Variants in ZSWIM4 observed in about 807,000 individuals in gnomAD.
ZSWIM4 encodes zinc finger SWIM domain-containing protein 4.
A neutral mutation model predicts 102.5 loss-of-function variants in ZSWIM4; 62 were observed. The observed-to-expected ratio is 0.60, with a 90% confidence interval of 0.49 to 0.75. The LOEUF is 0.75. ZSWIM4 is among the 30% of genes least tolerant of loss of function. The probability of loss-of-function intolerance (pLI) is 0.00; values close to 1 mark genes in which losing one functional copy is unlikely to be tolerated. For missense variants in ZSWIM4, 1,280 were observed against 1,529.6 expected (o/e 0.84, Z 2.72); for synonymous variants, 652 against 674.5 (o/e 0.97, Z 0.52).
chr19:13,818,256 A>G (rs1975357238), intron 9 of ZSWIM4, among the ~76,000 whole-genome samples: 1 of 152,124 alleles, frequency 6.6e-6, no homozygotes, highest in Non-Finnish European at 1.5e-5. Context: ...GGTTGATGTT[A>G]AAGCGAGGGC....
chr19:13,797,413 T>C (rs1196796470), intron 1 of ZSWIM4, among the ~76,000 whole-genome samples: 3 of 151,894 alleles, frequency 2.0e-5, no homozygotes, highest in Non-Finnish European at 4.4e-5. Flanking sequence ...GTCTTAGGAG[T>C]TGAAACAACT....
rs1370170089 is a variant in ZSWIM4 at position 13,823,382 on chromosome 19, A to G, written c.2097A>G (p.Glu699=). ...TGGAGACAGCATTTCCTGCTGGAGA[A>G]CCTCATCCCAGCCCGCTGGACTCCA... is the stretch of plus-strand genomic sequence containing the variant. ...PILETAFPAG[E]PHPSPLDSIM... The change falls in exon 11 of 14, where the codon GAA becomes GAG. Residue 699 remains glutamate, a synonymous_variant. Coordinates refer to ENST00000590508, the MANE Select transcript of ZSWIM4 (RefSeq NM_001367834.3). 3 of 1,613,706 alleles carry G rather than the reference A, an allele frequency of 1.9e-6. No individual in the cohort carries two copies. The highest frequency in any genetic ancestry group is 2.5e-6 in the Non-Finnish European group (3 of 1,179,916).
At chr19:13,828,197 T>C (rs944446692) in intron 12 of ZSWIM4, among the ~76,000 whole-genome samples, 21 of 151,822 alleles carry the variant, frequency 1.4e-4, no homozygotes, top group Admixed American at 2.0e-4. Context: ...TCACTTGAGG[T>C]CAGGAGTTCG....
At chr19:13,814,985 T>A in intron 7 of ZSWIM4, 120 bp downstream of exon 7, 1 of 511,338 alleles carries the variant, frequency 2.0e-6, no homozygotes, top group Non-Finnish European at 2.8e-6. Context: ...AGTGAGACAA[T>A]GTCTCTACAA....
chr19:13,813,294 G>A (rs1568335466), intron 6 of ZSWIM4, 130 bp downstream of exon 6: 1 of 786,810 alleles, frequency 1.3e-6, no homozygotes, highest in Non-Finnish European at 2.0e-6. Flanking sequence ...CCAGTCCTTG[G>A]CTGTTCTTCC....
intron 9 of ZSWIM4, 46 bp from the exon 10 acceptor site, chr19:13,819,311 A>G (rs1337504381): frequency 6.2e-7 from 1 of 1,608,794 alleles, no homozygotes. Flanking sequence ...GGGGAAGGGC[A>G]GAGGCGAGCC....
At chr19:13,811,604 CAGG>C (rs1358590706) in intron 5 of ZSWIM4, among the ~76,000 whole-genome samples, 1 of 152,112 alleles carries the variant, frequency 6.6e-6, no homozygotes, top group African/African-American at 2.4e-5. Flanking sequence ...CTGAGTGAGG[CAGG>C]AGGATTGCTT....
chr19:13,804,700 C>G (rs897153752), intron 2 of ZSWIM4, 92 bp from the exon 3 acceptor site: 2 of 1,040,128 alleles, frequency 1.9e-6, no homozygotes, highest in Non-Finnish European at 2.8e-6. Context: ...TGAAGTGACT[C>G]GGCTGGGCTT....
chr19:13,811,677 T>A (rs1975096988), intron 5 of ZSWIM4, among the ~76,000 whole-genome samples: 1 of 152,128 alleles, frequency 6.6e-6, no homozygotes, highest in Non-Finnish European at 1.5e-5. Context: ...CTAAATTTTT[T>A]AAAAACCGGC....
chr19:13,816,899 A>T (rs1487812355), intron 7 of ZSWIM4, among the ~76,000 whole-genome samples: 1 of 151,942 alleles, frequency 6.6e-6, no homozygotes, highest in African/African-American at 2.4e-5. Context: ...TGAGGAGGGG[A>T]ATGACACTTC....
chr19:13,829,689 G>A (rs549262396), intron 13 of ZSWIM4, among the ~76,000 whole-genome samples: 3 of 152,244 alleles, frequency 2.0e-5, no homozygotes, highest in African/African-American at 7.2e-5. Flanking sequence ...GCTGGGCGTG[G>A]TGGTGGGCCC....
chr19:13,825,522 G>A lies in ZSWIM4; in HGVS notation c.2216-28G>A. The stretch of plus-strand genomic sequence containing the variant: ...AGGCTGGTGCTGAGGTGTATCCGAT[G>A]GTGTCCTCTGTCCCGCCCTTCACCC... On this transcript the variant is annotated intron_variant, in intron 11 of 13. Coordinates refer to ENST00000590508, the MANE Select transcript of ZSWIM4 (RefSeq NM_001367834.3). This position sits in a 1 kb window ranked among gnomAD's most constrained non-coding sequence, Gnocchi z 4.6. 1.2e-6 allele frequency: 2 copies of A among 1,607,628 alleles called. No homozygotes were observed. The highest frequency in any genetic ancestry group is 1.7e-6 in the Non-Finnish European group (2 of 1,175,284).
At chr19:13,803,432 G>A (rs1464825450) in intron 2 of ZSWIM4, among the ~76,000 whole-genome samples, 2 of 152,086 alleles carry the variant, frequency 1.3e-5, no homozygotes, top group Non-Finnish European at 2.9e-5. Flanking sequence ...TGTAACCCAA[G>A]GAATCAGAAA....
intron 2 of ZSWIM4, among the ~76,000 whole-genome samples, chr19:13,800,759 C>T (rs10422150): frequency 0.45 from 67,896 of 151,770 alleles, 18,490 homozygotes; most frequent in African/African-American, 0.78. Context: ...ACCCAGGCAG[C>T]AGGGTTTAGA....
intron 2 of ZSWIM4, among the ~76,000 whole-genome samples, chr19:13,804,339 G>A (rs970218843): frequency 1.4e-4 from 21 of 151,904 alleles, no homozygotes; most frequent in Non-Finnish European, 2.1e-4. Flanking sequence ...GCATGGTGGC[G>A]CATGCCTGTA....
intron 2 of ZSWIM4, among the ~76,000 whole-genome samples, chr19:13,800,632 C>T (rs1436589394): frequency 1.3e-5 from 2 of 152,204 alleles, no homozygotes; most frequent in East Asian, 1.9e-4. Context: ...TGGTCTCGAT[C>T]TCCTGACCTC....
At position 13,814,652 on chromosome 19, in the gene ZSWIM4, C is replaced by T. The variant is rs1170857099; in HGVS notation, c.1318C>T (p.Leu440Phe). ...ILASDSYGPS[L>F]TGSVGGDKPT... ...GGCCAGTGACTCCTACGGGCCCAGC[C>T]TCACAGGCAGCGTGGGTGGGGACAA... The change falls in exon 7 of 14, where the codon CTC becomes TTC. Residue 440 changes from leucine to phenylalanine, a missense_variant. By Grantham distance (22) the Leu-to-Phe change is conservative. Transcript: ENST00000590508. 3.9e-6 allele frequency: 5 copies of T among 1,271,330 alleles called. No individual in the cohort carries two copies. Among genetic ancestry groups the T allele is most frequent in the Non-Finnish European group, 5.1e-6 (5 of 976,406 alleles). 78.8% of individuals were successfully genotyped at this position (1,271,330 alleles called of 1,614,324 possible).
At position 13,825,233 on chromosome 19, in the gene ZSWIM4, T is replaced by G. The variant is rs998422720; in HGVS notation, c.2216-317T>G. ...TTTTGTAGATGGGGTTTCGCCATGTTGGCCAGGCTGGTCTCAAACTCTTGA... is the reference window on the plus strand; with the variant it reads ...TTTTGTAGATGGGGTTTCGCCATGTGGGCCAGGCTGGTCTCAAACTCTTGA... On this transcript the variant is annotated intron_variant, in intron 11 of 13. Coordinates refer to ENST00000590508, the MANE Select transcript of ZSWIM4 (RefSeq NM_001367834.3). The surrounding 1 kb of genome is among the most constrained non-coding windows in gnomAD (Gnocchi z 4.6). Among the ~76,000 whole-genome samples the G allele has an allele frequency of 2.6e-5, 4 of 152,022 alleles. No homozygotes were observed. Among genetic ancestry groups the G allele is most frequent in the Non-Finnish European group, 2.9e-5 (2 of 67,984 alleles).
chr19:13,808,305 C>T (rs941764603), intron 3 of ZSWIM4, among the ~76,000 whole-genome samples: 3 of 150,408 alleles, frequency 2.0e-5, no homozygotes, highest in Non-Finnish European at 4.4e-5. Context: ...ATGTTTAGGA[C>T]AAGATAGATG....
Sources: allele counts gnomAD v4.1 joint callset (sites outside exome capture counted in the v4.1 genomes callset), GRCh38; gene constraint gnomAD v4.1.1; non-coding constraint Gnocchi (gnomAD v3.1); transcripts MANE v1.5; gene names NCBI Gene and HGNC (gene_info 2026-07-23, HGNC 2026-07-21).